The following ACBD5 variants were observed in gnomAD, a reference collection of about 807,000 sequenced individuals.
ACBD5 encodes the protein acyl-CoA-binding domain-containing protein 5.
A neutral mutation model predicts 71.8 loss-of-function variants in ACBD5; 40 were observed. The observed-to-expected ratio is 0.56, with a 90% confidence interval of 0.43 to 0.72. ACBD5 has a LOEUF of 0.72. Among genes scored for constraint, ACBD5 ranks in the 30% least tolerant of loss-of-function variants. The pLI is 0.00. For synonymous variants in ACBD5, 229 were observed against 218.6 expected (o/e 1.05, Z -0.42); for missense variants, 559 against 644.5 (o/e 0.87, Z 1.44).
intron 3 of ACBD5, among the ~76,000 whole-genome samples, chr10:27,232,032 C>A (rs533490508): frequency 5.7e-4 from 86 of 152,104 alleles, no homozygotes; most frequent in South Asian, 1.2e-3. Context: ...AGTATATAAC[C>A]CGTCTATGTA....
intron 5 of ACBD5, among the ~76,000 whole-genome samples, chr10:27,221,777 G>A (rs1439075767): frequency 6.6e-6 from 1 of 151,758 alleles, no homozygotes; most frequent in Non-Finnish European, 1.5e-5. Flanking sequence ...AGCCATACAA[G>A]AATACAAGTG....
intron 3 of ACBD5, 109 bp downstream of exon 3, chr10:27,234,983 A>G: frequency 8.7e-7 from 1 of 1,148,248 alleles, no homozygotes; most frequent in Non-Finnish European, 1.3e-6. Context: ...TGTACCCAAT[A>G]CCTAGGACAC....
At chr10:27,210,147 A>C (rs1341774017) in intron 9 of ACBD5, among the ~76,000 whole-genome samples, 1 of 152,212 alleles carries the variant, frequency 6.6e-6, no homozygotes, top group Non-Finnish European at 1.5e-5. Flanking sequence ...GTAGGAATGG[A>C]ATATTACAAA....
intron 13 of ACBD5, among the ~76,000 whole-genome samples, chr10:27,187,479 C>T (rs1299330705): frequency 3.3e-5 from 5 of 151,996 alleles, no homozygotes; most frequent in Admixed American, 2.6e-4. Context: ...AGGACGGGTG[C>T]GATGGCTCAT....
chr10:27,241,646 T>C (rs1033937764), upstream of ACBD5, among the ~76,000 whole-genome samples: 4 of 144,644 alleles, frequency 2.8e-5, no homozygotes, highest in African/African-American at 7.9e-5. Context: ...GTGGGGAGGA[T>C]TGCTTGAGGC....
At chr10:27,231,507 A>G (rs1014346002) in intron 4 of ACBD5, among the ~76,000 whole-genome samples, 1 of 152,108 alleles carries the variant, frequency 6.6e-6, no homozygotes, top group Non-Finnish European at 1.5e-5. Context: ...ACAGAGAAAG[A>G]CTCCATCTCA....
In ACBD5 at chr10:27,211,032, C is replaced by G. The variant is rs1220465108; in HGVS notation, c.986G>C (p.Gly329Ala). 2 of 1,614,092 alleles carry G rather than the reference C, an allele frequency of 1.2e-6. No homozygotes were observed. The highest frequency in any genetic ancestry group is 2.7e-5 in the African/African-American group (2 of 75,028). The change falls in exon 9 of 13, where the codon GGT becomes GCT. Residue 329 changes from glycine (G) to alanine (A), a missense_variant. By Grantham distance (60) the Gly-to-Ala change is moderately conservative. Transcript: ENST00000396271. ...TTCCATGGGTTGACTGGAATGACCA[C>G]CCAAGTAATACTGAAATGGTCCATT... ...SNNGPFQYYLGGHSSQPMENS... is the reference protein window; with the variant it reads ...SNNGPFQYYLAGHSSQPMENS...
In ACBD5 at chr10:27,215,744, G is replaced by C. The variant is rs1380724408; in HGVS notation, c.830-103C>G. On this transcript the variant is annotated intron_variant, in intron 7 of 12. Transcript: ENST00000396271. ...AGATGGAGTCTTGCTCTGTTGCCCA[G>C]GCTGGAGTGCAGTGGTGTGATCTCG... The C allele has an allele frequency of 4.8e-6, 4 of 834,946 alleles. No homozygotes were observed. In the Admixed American group the frequency reaches 8.1e-5, roughly 17 times the overall value. The allele number at this position is 834,946 out of a possible 1,614,324, so 51.7% of individuals were successfully genotyped here.
Position 27,220,978 on chromosome 10 carries a change from T to C in ACBD5, c.491-1121A>G, listed in dbSNP as rs558712233. Reference sequence around the variant, plus strand: ...AACATTTCTAACTCCATTTCTAATATTTCTTACAGATATGCTTTCACATAT... The same window carrying C: ...AACATTTCTAACTCCATTTCTAATACTTCTTACAGATATGCTTTCACATAT... On this transcript the variant is annotated intron_variant, in intron 5 of 12. Transcript: ENST00000396271. Among the ~76,000 whole-genome samples, 3 of 152,358 alleles carry C rather than the reference T, an allele frequency of 2.0e-5. No homozygotes were observed. The East Asian group carries it at 5.8e-4, about 29-fold the overall frequency.
At chr10:27,209,092 T>G (rs1589084783) in intron 9 of ACBD5, among the ~76,000 whole-genome samples, 1 of 100,020 alleles carries the variant, frequency 1.0e-5, no homozygotes, top group South Asian at 3.6e-4. Context: ...ATTCAAAGAC[T>G]TTTTTTTTTT....
At chr10:27,212,302 T>C (rs1368546994) in intron 8 of ACBD5, among the ~76,000 whole-genome samples, 1 of 152,186 alleles carries the variant, frequency 6.6e-6, no homozygotes, top group African/African-American at 2.4e-5. Context: ...TGAGCCCAGA[T>C]TGTGCCACTG....
In ACBD5 at chr10:27,211,232, CAT is replaced by C. The variant is rs568778825; in HGVS notation, c.937-153_937-152del. ...CTTTTTCTAAAAAATGTCTTCAATT[CAT>C]ATGCTGCTTCCTACCTGCAGGGAAG... On this transcript the variant is annotated intron_variant, in intron 8 of 12. Coordinates refer to ENST00000396271, the MANE Select transcript of ACBD5 (RefSeq NM_145698.5). 1.8e-4 allele frequency: 151 copies of C among 822,992 alleles called. 1 individual carries two copies. In the African/African-American group the frequency reaches 2.3e-3, roughly 12 times the overall value. The allele number at this position is 822,992 out of a possible 1,614,324, so 51.0% of individuals were successfully genotyped here.
chr10:27,208,846 A>T (rs2060753988), intron 9 of ACBD5, among the ~76,000 whole-genome samples: 6 of 151,830 alleles, frequency 4.0e-5, no homozygotes, highest in Admixed American at 2.0e-4. Flanking sequence ...TCAAAAAAAT[A>T]AAAAAAAACT....
At chr10:27,204,401 A>G (rs772990091) in intron 12 of ACBD5, 39 bp downstream of exon 12, 4 of 1,470,104 alleles carry the variant, frequency 2.7e-6, no homozygotes, top group Non-Finnish European at 3.8e-6. Context: ...ATAGGTTATG[A>G]GAGTTATACA....
chr10:27,237,930 T>A (rs2138479101), intron 2 of ACBD5, among the ~76,000 whole-genome samples: 1 of 149,628 alleles, frequency 6.7e-6, no homozygotes, highest in Admixed American at 6.7e-5. Context: ...GGGTATCTTT[T>A]TTTTTAAATT....
intron 8 of ACBD5, among the ~76,000 whole-genome samples, chr10:27,213,201 G>C (rs1447839982): frequency 2.0e-5 from 3 of 152,106 alleles, no homozygotes; most frequent in Admixed American, 2.0e-4. Flanking sequence ...CTGGGCAAAA[G>C]ATCTGAATAG....
At chr10:27,217,515 T>G (rs1422383925) in intron 7 of ACBD5, among the ~76,000 whole-genome samples, 2 of 149,364 alleles carry the variant, frequency 1.3e-5, no homozygotes, top group Non-Finnish European at 3.0e-5. Flanking sequence ...CTATTATGTA[T>G]CCCTAAAAAT....
At chr10:27,228,284 A>AC in intron 4 of ACBD5, among the ~76,000 whole-genome samples, 1 of 150,934 alleles carries the variant, frequency 6.6e-6, no homozygotes, top group East Asian at 2.0e-4. Flanking sequence ...AAAAAAAAAA[A>AC]TAGAATTTTG....
intron 8 of ACBD5, among the ~76,000 whole-genome samples, chr10:27,214,302 T>C (rs1159341693): frequency 6.6e-6 from 1 of 152,152 alleles, no homozygotes; most frequent in East Asian, 1.9e-4. Flanking sequence ...TTTACCCTGA[T>C]GTGATTATTA....
Sources: gnomAD v4.1 joint callset for allele counts (sites outside exome capture counted in the v4.1 genomes callset) on GRCh38, gnomAD v4.1.1 for gene constraint, MANE v1.5 for transcripts, NCBI Gene and HGNC (gene_info 2026-07-23, HGNC 2026-07-21) for gene names.